ACER2: variants seen among roughly 807,000 people sequenced by gnomAD.
ACER2 encodes the protein alkaline ceramidase 2.
In ACER2, 26 loss-of-function variants were observed where a neutral mutation model predicts 34.7. The ratio of observed to expected loss-of-function variants is 0.75; its 90% CI spans 0.55 to 1.04. ACER2 has a LOEUF of 1.04. Ranked by LOEUF, ACER2 falls within the 50% of genes least tolerant of loss-of-function variation. ACER2 has a pLI of 0.00. For missense variants in ACER2, 352 were observed against 340.8 expected (o/e 1.03, Z -0.26); for synonymous variants, 138 against 132.1 (o/e 1.04, Z -0.31).
At chr9:19,422,974 G>A (rs1830449740) in intron 1 of ACER2, among the ~76,000 whole-genome samples, 1 of 150,844 alleles carries the variant, frequency 6.6e-6, no homozygotes, top group African/African-American at 2.4e-5. Flanking sequence ...AGAAGTTGCA[G>A]TGAGCTGAGA....
At chr9:19,441,030 A>ATTTTTC (rs994377983) in intron 4 of ACER2, among the ~76,000 whole-genome samples, 4 of 146,874 alleles carry the variant, frequency 2.7e-5, no homozygotes, top group South Asian at 2.2e-4. Flanking sequence ...ATTTCAGCAC[A>ATTTTTC]TTTTTCTTTT....
Position 19,450,754 on chromosome 9 carries a change from T to A in ACER2, c.*118T>A. 1 of 998,942 alleles carries A rather than the reference T, an allele frequency of 1.0e-6. No individual in the cohort carries two copies. Among genetic ancestry groups the A allele is most frequent in the Non-Finnish European group, 1.4e-6 (1 of 719,436 alleles). The allele number at this position is 998,942 out of a possible 1,614,324, so 61.9% of individuals were successfully genotyped here. A position where few individuals can be genotyped will look rare whatever the true frequency, so the allele number is the denominator to read the frequency against. ...GGTGTGGGCTATCTTTTCAAAAATCTATTTGCTGGGGCTCTTAATTTCTTT... is the reference window on the plus strand; with the variant it reads ...GGTGTGGGCTATCTTTTCAAAAATCAATTTGCTGGGGCTCTTAATTTCTTT... On this transcript the variant is annotated 3_prime_UTR_variant, in exon 6 of 6. Coordinates refer to ENST00000340967, the MANE Select transcript of ACER2 (RefSeq NM_001010887.3).
chr9:19,420,890 A>T (rs1830385237), intron 1 of ACER2, among the ~76,000 whole-genome samples: 1 of 152,146 alleles, frequency 6.6e-6, no homozygotes, highest in African/African-American at 2.4e-5. Context: ...ATCCAATTTA[A>T]CACCTCCAAA....
At chr9:19,417,384 C>T (rs1218110427) in intron 1 of ACER2, among the ~76,000 whole-genome samples, 3 of 152,160 alleles carry the variant, frequency 2.0e-5, no homozygotes, top group Non-Finnish European at 4.4e-5. Context: ...CTTTAAATTT[C>T]ATATGGAAAC....
In ACER2 at chr9:19,409,439, A is replaced by G. The variant is rs10964122; in HGVS notation, c.108+247A>G. ...CTGTCATTTGTTTTGTGATGGTCCT[A>G]TTGTCTTGTTTGGCCCCCACGCGTC... is the stretch of plus-strand genomic sequence containing the variant. On this transcript the variant is annotated intron_variant, in intron 1 of 5. Coordinates refer to ENST00000340967, the MANE Select transcript of ACER2 (RefSeq NM_001010887.3). Among the ~76,000 whole-genome samples the G allele has an allele frequency of 1.5e-3, 227 of 151,872 alleles. 7 individuals are homozygous for G. The East Asian group carries it at 0.033, about 22-fold the overall frequency.
At chr9:19,433,296 C>A (rs1257812863) in intron 3 of ACER2, among the ~76,000 whole-genome samples, 5 of 151,834 alleles carry the variant, frequency 3.3e-5, no homozygotes, top group African/African-American at 1.2e-4. Context: ...GCAGAGGACC[C>A]TGCGGCCTTC....
chr9:19,449,798 A>G (rs911998089), intron 5 of ACER2, among the ~76,000 whole-genome samples: 1 of 151,484 alleles, frequency 6.6e-6, no homozygotes, highest in African/African-American at 2.4e-5. Flanking sequence ...AGGCTGAGGC[A>G]GGAGAATTGC....
intron 1 of ACER2, among the ~76,000 whole-genome samples, chr9:19,411,319 C>T (rs1830078642): frequency 6.6e-6 from 1 of 152,304 alleles, no homozygotes; most frequent in African/African-American, 2.4e-5. Context: ...AGAATAAGGT[C>T]ATTGCCTAAC....
chr9:19,423,449 C>G (rs1830467573), intron 1 of ACER2, among the ~76,000 whole-genome samples: 1 of 152,148 alleles, frequency 6.6e-6, no homozygotes, highest in African/African-American at 2.4e-5. Context: ...GCCTGCAATC[C>G]CAGCACGTTG....
chr9:19,439,808 A>T (rs937384624), intron 4 of ACER2, among the ~76,000 whole-genome samples: 3 of 152,166 alleles, frequency 2.0e-5, no homozygotes, highest in South Asian at 4.1e-4. Flanking sequence ...TCTACTAAAA[A>T]CACAAAAAAT....
chr9:19,430,229 C>T (rs1274343700), intron 3 of ACER2, among the ~76,000 whole-genome samples: 1 of 151,972 alleles, frequency 6.6e-6, no homozygotes, highest in Non-Finnish European at 1.5e-5. Context: ...AAAACCACTA[C>T]TTTAAAGGGT....
chr9:19,411,961 G>C (rs904130742), intron 1 of ACER2, among the ~76,000 whole-genome samples: 1 of 152,174 alleles, frequency 6.6e-6, no homozygotes, highest in East Asian at 1.9e-4. Flanking sequence ...GGGGCCTAGA[G>C]AGTTTATGTA....
chr9:19,418,285 G>T (rs896467867), intron 1 of ACER2, among the ~76,000 whole-genome samples: 2 of 152,194 alleles, frequency 1.3e-5, no homozygotes. Context: ...GGAAGACAGT[G>T]TGGCGATTCC....
At chr9:19,421,677 G>A (rs1301429638) in intron 1 of ACER2, among the ~76,000 whole-genome samples, 2 of 152,116 alleles carry the variant, frequency 1.3e-5, no homozygotes, top group Non-Finnish European at 2.9e-5. Flanking sequence ...AGATAGAGGT[G>A]ATGGTTGCCC....
intron 1 of ACER2, chr9:19,409,747 C>T (rs1830031168): frequency 1.0e-6 from 1 of 985,188 alleles, no homozygotes; most frequent in East Asian, 1.1e-4. Context: ...AAGTTAATTA[C>T]TACTTGTTTT....
chr9:19,442,113 G>A (rs1450384975), intron 4 of ACER2, among the ~76,000 whole-genome samples: 2 of 152,038 alleles, frequency 1.3e-5, no homozygotes, highest in Admixed American at 6.5e-5. Flanking sequence ...GCTGATTTTG[G>A]GTCATGACCT....
At chr9:19,434,191 C>T (rs1222620679) in intron 3 of ACER2, among the ~76,000 whole-genome samples, 3 of 150,928 alleles carry the variant, frequency 2.0e-5, no homozygotes, top group Non-Finnish European at 3.0e-5. Context: ...CGGGCAGAGA[C>T]GCTCCTCACT....
chr9:19,445,152 G>A (rs1831311781), intron 4 of ACER2, among the ~76,000 whole-genome samples: 1 of 152,202 alleles, frequency 6.6e-6, no homozygotes, highest in African/African-American at 2.4e-5. Context: ...GCCACCAGCT[G>A]CCCCCAGGTG....
intron 5 of ACER2, among the ~76,000 whole-genome samples, chr9:19,448,108 A>G (rs1437790882): frequency 6.7e-6 from 1 of 149,972 alleles, no homozygotes; most frequent in African/African-American, 2.5e-5. Flanking sequence ...CCGGACTGAA[A>G]GTGATTCTCC....
Sources: gnomAD v4.1 joint callset for allele counts (sites outside exome capture counted in the v4.1 genomes callset) on GRCh38, gnomAD v4.1.1 for gene constraint, MANE v1.5 for transcripts, NCBI Gene and HGNC (gene_info 2026-07-23, HGNC 2026-07-21) for gene names.